LDB2: variants seen among roughly 807,000 people sequenced by gnomAD.
LDB2 encodes LIM domain-binding protein 2.
A neutral mutation model predicts 44.3 loss-of-function variants in LDB2; 12 were observed. That is an observed-to-expected ratio of 0.27 (90% CI 0.17 to 0.44). LDB2 has a LOEUF of 0.44. Ranked by LOEUF, LDB2 falls within the 20% of genes least tolerant of loss-of-function variation. LDB2 has a pLI of 1.00. For synonymous variants in LDB2, 164 were observed against 174.8 expected, an observed-to-expected ratio of 0.94 and a Z score of 0.49; for missense variants, 344 against 473.5, an observed-to-expected ratio of 0.73 and a Z score of 2.54.
chr4:16,527,538 A>G (rs1034042185), intron 5 of LDB2, among the ~76,000 whole-genome samples: 11 of 152,238 alleles, frequency 7.2e-5, no homozygotes, highest in African/African-American at 2.2e-4. Context: ...TTAAAGAACT[A>G]AAAGTAGAAC....
At chr4:16,878,344 C>T (rs1580429964) in intron 1 of LDB2, among the ~76,000 whole-genome samples, 1 of 152,192 alleles carries the variant, frequency 6.6e-6, no homozygotes, top group Non-Finnish European at 1.5e-5. Context: ...AGAAGGGTTC[C>T]TACTCTCTTA....
intron 2 of LDB2, among the ~76,000 whole-genome samples, chr4:16,682,576 G>C (rs1431252168): frequency 2.0e-5 from 3 of 152,190 alleles, no homozygotes; most frequent in Non-Finnish European, 4.4e-5. Context: ...TGGGAATGCT[G>C]CCTCCCCACG....
In LDB2 at chr4:16,608,590, T is replaced by A. The variant is rs145916124; in HGVS notation, c.236-12715A>T. 2.7e-3 allele frequency among the ~76,000 whole-genome samples: 414 copies of A among 152,324 alleles called. 1 individual carries two copies. Among genetic ancestry groups the A allele is most frequent in the African/African-American group, 9.7e-3 (405 of 41,566 alleles). ...CCCTGGTCAACCTGATCCTTGGACCTAGGTGCCAATGCTTACAGCAGCACG... is the reference window on the plus strand; with the variant it reads ...CCCTGGTCAACCTGATCCTTGGACCAAGGTGCCAATGCTTACAGCAGCACG... On this transcript the variant is annotated intron_variant, in intron 2 of 7. Coordinates refer to ENST00000304523, the MANE Select transcript of LDB2 (RefSeq NM_001290.5).
chr4:16,628,847 A>T (rs1731062231), intron 2 of LDB2, among the ~76,000 whole-genome samples: 1 of 152,098 alleles, frequency 6.6e-6, no homozygotes, highest in African/African-American at 2.4e-5. Context: ...TCCCTTTCCT[A>T]TCCAAGGGAA....
chr4:16,854,484 C>T (rs1788922741), intron 1 of LDB2, among the ~76,000 whole-genome samples: 1 of 135,228 alleles, frequency 7.4e-6, no homozygotes, highest in South Asian at 2.6e-4. Context: ...TTTTTATTTT[C>T]CTGTGCATTT....
intron 5 of LDB2, among the ~76,000 whole-genome samples, chr4:16,571,833 A>G (rs1294810840): frequency 1.3e-5 from 2 of 152,118 alleles, no homozygotes; most frequent in Non-Finnish European, 2.9e-5. Flanking sequence ...AATTATGGTA[A>G]ACACTTATAG....
chr4:16,832,504 A>G (rs1307692593), intron 1 of LDB2, among the ~76,000 whole-genome samples: 1 of 152,208 alleles, frequency 6.6e-6, no homozygotes, highest in Non-Finnish European at 1.5e-5. Flanking sequence ...CTTAAACTGA[A>G]TTAACTTTTT....
At chr4:16,607,528 T>G (rs973936102) in intron 2 of LDB2, among the ~76,000 whole-genome samples, 2 of 152,264 alleles carry the variant, frequency 1.3e-5, no homozygotes, top group Admixed American at 6.5e-5. Context: ...CCTAGTTTCT[T>G]CAGCTGCAAA....
At chr4:16,712,877 A>T (rs1756226028) in intron 2 of LDB2, among the ~76,000 whole-genome samples, 1 of 152,202 alleles carries the variant, frequency 6.6e-6, no homozygotes, top group Non-Finnish European at 1.5e-5. Context: ...GAACAATAAA[A>T]ACATACTTCT....
intron 2 of LDB2, among the ~76,000 whole-genome samples, chr4:16,677,931 C>T (rs550328720): frequency 3.3e-5 from 5 of 152,282 alleles, no homozygotes; most frequent in Admixed American, 6.5e-5. Flanking sequence ...ATGTCAGTTT[C>T]GGCAAAATTT....
At chr4:16,799,258 C>T (rs1412876401) in intron 1 of LDB2, among the ~76,000 whole-genome samples, 3 of 152,218 alleles carry the variant, frequency 2.0e-5, no homozygotes, top group Non-Finnish European at 4.4e-5. Context: ...TCTGGAGGAT[C>T]TAGAAAGAAG....
chr4:16,861,457 C>T (rs770215068), intron 1 of LDB2, among the ~76,000 whole-genome samples: 2 of 152,210 alleles, frequency 1.3e-5, no homozygotes, highest in Non-Finnish European at 2.9e-5. Flanking sequence ...CAAGTGTTCC[C>T]TACGGGACCA....
chr4:16,644,555 G>A (rs376287752), intron 2 of LDB2, among the ~76,000 whole-genome samples: 16 of 151,900 alleles, frequency 1.1e-4, no homozygotes, highest in East Asian at 7.8e-4. Flanking sequence ...AGCCTCCCGA[G>A]TAGCTGGCAT....
intron 1 of LDB2, among the ~76,000 whole-genome samples, chr4:16,831,504 T>G (rs1384944429): frequency 6.6e-6 from 1 of 152,156 alleles, no homozygotes; most frequent in Non-Finnish European, 1.5e-5. Flanking sequence ...GCAACCATCC[T>G]GGGACAGAAC....
intron 2 of LDB2, among the ~76,000 whole-genome samples, chr4:16,692,464 G>A (rs934157714): frequency 2.0e-5 from 3 of 152,152 alleles, no homozygotes; most frequent in Non-Finnish European, 2.9e-5. Context: ...CTTCACCTTG[G>A]AAAGTAGCGA....
intron 1 of LDB2, among the ~76,000 whole-genome samples, chr4:16,895,416 C>T (rs1160490450): frequency 1.3e-5 from 2 of 152,032 alleles, no homozygotes; most frequent in African/African-American, 4.8e-5. Context: ...AAGGAGGTTT[C>T]TAGGAAATTT....
At chr4:16,581,143 G>T (rs1714245492) in intron 5 of LDB2, among the ~76,000 whole-genome samples, 1 of 152,204 alleles carries the variant, frequency 6.6e-6, no homozygotes, top group Admixed American at 6.5e-5. Flanking sequence ...TTCAATGAAA[G>T]ATTCTGATGT....
At chr4:16,670,417 T>A (rs1468805793) in intron 2 of LDB2, among the ~76,000 whole-genome samples, 1 of 152,114 alleles carries the variant, frequency 6.6e-6, no homozygotes. Flanking sequence ...AAATATTAAG[T>A]CCCCACCACT....
chr4:16,596,244 T>G (rs1412291929), intron 2 of LDB2, among the ~76,000 whole-genome samples: 1 of 152,136 alleles, frequency 6.6e-6, no homozygotes, highest in Admixed American at 6.5e-5. Flanking sequence ...CTTGGATTTT[T>G]TTAATGCATC....
Sources: allele counts gnomAD v4.1 joint callset (sites outside exome capture counted in the v4.1 genomes callset), GRCh38; gene constraint gnomAD v4.1.1; transcripts MANE v1.5; gene names NCBI Gene and HGNC (gene_info 2026-07-23, HGNC 2026-07-21).